Variants in YKT6 observed in about 807,000 individuals in gnomAD.
YKT6 encodes YKT6 vesicular SNARE protein.
YKT6 carries 12 observed loss-of-function variants against 29.3 expected under a neutral mutation model. The observed-to-expected ratio is 0.41, with a 90% CI of 0.26 to 0.66. The LOEUF is 0.66. YKT6 is among the 30% of genes least tolerant of loss of function. YKT6 has a pLI of 0.32. For missense variants in YKT6, 188 were observed against 243.8 expected, an observed-to-expected ratio of 0.77 and a Z score of 1.52; for synonymous variants, 86 against 94.3, an observed-to-expected ratio of 0.91 and a Z score of 0.51.
At chr7:44,208,102 C>A in intron 4 of YKT6, 31 bp from the exon 5 acceptor site, 1 of 1,611,282 alleles carries the variant, frequency 6.2e-7, no homozygotes, top group South Asian at 1.1e-5. Context: ...CCACTCCAGT[C>A]CTGACTTTAT....
chr7:44,203,004 A>T (rs2096337417), intron 1 of YKT6, among the ~76,000 whole-genome samples: 1 of 152,164 alleles, frequency 6.6e-6, no homozygotes, highest in Non-Finnish European at 1.5e-5. Flanking sequence ...TGGGATGCCC[A>T]CACTAGTTTC....
Position 44,212,805 on chromosome 7 carries a change from C to T in YKT6, c.*523C>T, listed in dbSNP as rs932957397. The T allele has an allele frequency of 6.6e-6, 1 of 152,574 alleles. No individual in the cohort carries two copies. The highest frequency in any genetic ancestry group is 1.5e-5 in the Non-Finnish European group (1 of 68,296). 9.5% of individuals were successfully genotyped at this position (152,574 alleles called of 1,614,324 possible). On this transcript the variant is annotated 3_prime_UTR_variant, in exon 7 of 7. Transcript: ENST00000223369. Reference sequence around the variant, plus strand: ...CACCACAGAGGCCACAGGCAGGCCCCCACTTCAGGCCCAAGGCCTGGGGCG... The same window carrying T: ...CACCACAGAGGCCACAGGCAGGCCCTCACTTCAGGCCCAAGGCCTGGGGCG...
At chr7:44,207,610 G>A in intron 4 of YKT6, 118 bp downstream of exon 4, 1 of 833,772 alleles carries the variant, frequency 1.2e-6, no homozygotes, top group Non-Finnish European at 1.9e-6. Flanking sequence ...TGATGCTGGT[G>A]TCCTCTCTCA....
chr7:44,209,869 T>A (rs1032428382), intron 5 of YKT6, among the ~76,000 whole-genome samples: 5 of 152,224 alleles, frequency 3.3e-5, no homozygotes, highest in Non-Finnish European at 7.3e-5. Flanking sequence ...TGATGACATT[T>A]AGGACATAGC....
intron 5 of YKT6, among the ~76,000 whole-genome samples, chr7:44,209,588 T>C (rs551865764): frequency 7.9e-5 from 12 of 152,200 alleles, no homozygotes; most frequent in Non-Finnish European, 1.8e-4. Flanking sequence ...ATCTAGATGA[T>C]TGGTGTGCAT....
In YKT6 at chr7:44,208,158, C is replaced by T. The variant is rs750242578; in HGVS notation, c.419C>T (p.Thr140Ile). The change falls in exon 5 of 7, where the codon ACT (threonine) becomes ATT (isoleucine). Residue 140 changes from threonine to isoleucine, a missense_variant. This residue lies in a region of YKT6 where 100 missense variants were observed against 136.3 expected (regional missense o/e 0.73). Transcript: ENST00000223369. The stretch of plus-strand genomic sequence containing the variant: ...AACCCACGAGAAGCTGATCCCATGA[C>T]TAAAGTGCAGGCCGAACTAGATGAG... ...YQNPREADPM[T>I]KVQAELDETK... 2.2e-5 allele frequency: 36 copies of T among 1,613,958 alleles called. No individual in the cohort carries two copies. Among genetic ancestry groups the T allele is most frequent in the Non-Finnish European group, 1.7e-5 (20 of 1,180,012 alleles).
Position 44,208,269 on chromosome 7 carries a change from C to T in YKT6, c.459+71C>T. 2.6e-6 allele frequency: 4 copies of T among 1,515,300 alleles called. No individual in the cohort carries two copies. In the South Asian group the frequency reaches 4.6e-5, roughly 17 times the overall value. The allele number at this position is 1,515,300 out of a possible 1,614,324, so 93.9% of individuals were successfully genotyped here. On this transcript the variant is annotated intron_variant, in intron 5 of 6. Transcript: ENST00000223369. ...GCGATTTCCACTGGCCAGGCATGCA[C>T]AGATCCATCCTCGTTTTAATATAAT...
chr7:44,212,709 TG>T lies in YKT6; in HGVS notation c.*431del, dbSNP rs3840673. On this transcript the variant is annotated 3_prime_UTR_variant, in exon 7 of 7. Coordinates refer to ENST00000223369, the MANE Select transcript of YKT6 (RefSeq NM_006555.4). The stretch of plus-strand genomic sequence containing the variant: ...GGTGGGGAGTCCCTGATGCTAGGGC[TG>T]GGGTGGGTGGAGTTTGAAGACTCTT... The T allele has an allele frequency of 0.057, 8,239 of 145,128 alleles. 286 individuals carry two copies. The highest frequency in any genetic ancestry group is 0.09 in the East Asian group (439 of 4,890). 9.0% of individuals were successfully genotyped at this position (145,128 alleles called of 1,614,324 possible). A position where few individuals can be genotyped will look rare whatever the true frequency, so the allele number is the denominator to read the frequency against.
intron 6 of YKT6, chr7:44,211,726 T>C: frequency 1.7e-6 from 1 of 591,798 alleles, no homozygotes; most frequent in Non-Finnish European, 2.1e-6. Flanking sequence ...TGGAGGGAGA[T>C]GGCTAGGTGG....
chr7:44,203,465 A>T (rs1375708546), intron 1 of YKT6, among the ~76,000 whole-genome samples: 3 of 152,202 alleles, frequency 2.0e-5, no homozygotes, highest in Non-Finnish European at 4.4e-5. Flanking sequence ...TCCAAAGTTG[A>T]AAAAGTAGTT....
intron 6 of YKT6, 81 bp downstream of exon 6, chr7:44,211,205 A>C: frequency 3.3e-6 from 4 of 1,220,714 alleles, no homozygotes; most frequent in Non-Finnish European, 4.7e-6. Flanking sequence ...ACTCTCCACT[A>C]TGAACGGGTC....
intron 1 of YKT6, 42 bp from the exon 2 acceptor site, chr7:44,204,526 G>A (rs746683189): frequency 6.3e-6 from 10 of 1,598,984 alleles, no homozygotes; most frequent in African/African-American, 1.3e-5. Flanking sequence ...TTGGGGACAA[G>A]GTGATAAGAA....
In YKT6 at chr7:44,207,697, T is replaced by C. The variant is rs535315690; in HGVS notation, c.393+205T>C. On this transcript the variant is annotated intron_variant, in intron 4 of 6. Coordinates refer to ENST00000223369, the MANE Select transcript of YKT6 (RefSeq NM_006555.4). ...GCTCTAGGCAGGCTTTGGGTTTCTGTTACATGTTAAACAGGCTGTGGGTTT... is the reference window on the plus strand; with the variant it reads ...GCTCTAGGCAGGCTTTGGGTTTCTGCTACATGTTAAACAGGCTGTGGGTTT... 7.8e-4 allele frequency among the ~76,000 whole-genome samples: 118 copies of C among 152,238 alleles called. 1 individual carries two copies. The highest frequency in any genetic ancestry group is 2.6e-3 in the African/African-American group (108 of 41,550).
intron 1 of YKT6, 91 bp downstream of exon 1, chr7:44,201,330 G>T: frequency 3.9e-6 from 2 of 514,944 alleles, no homozygotes; most frequent in Non-Finnish European, 6.7e-6. Context: ...TCGGCGGAGG[G>T]ATGAGGGGAG....
chr7:44,201,267 G>A, intron 1 of YKT6, 28 bp downstream of exon 1: 1 of 1,599,480 alleles, frequency 6.3e-7, no homozygotes, highest in Non-Finnish European at 8.5e-7. Flanking sequence ...GTGGGCCGTG[G>A]CGGTCGGGCG....
In YKT6 at chr7:44,214,272, G is replaced by A. The variant is rs1477506578; in HGVS notation, c.*1990G>A. On this transcript the variant is annotated 3_prime_UTR_variant, in exon 7 of 7. Transcript: ENST00000223369. ...GTTCTATTTGAGAGGCGCCTGTCTGGATAAAGTTGTCTTGAAATTTCACAG... is the reference window on the plus strand; with the variant it reads ...GTTCTATTTGAGAGGCGCCTGTCTGAATAAAGTTGTCTTGAAATTTCACAG... 6.6e-6 allele frequency: 1 copy of A among 152,188 alleles called. No homozygotes were observed. The highest frequency in any genetic ancestry group is 1.5e-5 in the Non-Finnish European group (1 of 68,062). The allele number at this position is 152,188 out of a possible 1,614,324, so 9.4% of individuals were successfully genotyped here. A position where few individuals can be genotyped will look rare whatever the true frequency, so the allele number is the denominator to read the frequency against.
At position 44,213,255 on chromosome 7, in the gene YKT6, C is replaced by T. The variant is rs779820573; in HGVS notation, c.*973C>T. 11 of 152,384 alleles carry T rather than the reference C, an allele frequency of 7.2e-5. No homozygotes were observed. The highest frequency in any genetic ancestry group is 3.4e-3 in the Middle Eastern group (1 of 294). 9.4% of individuals were successfully genotyped at this position (152,384 alleles called of 1,614,324 possible). The stretch of plus-strand genomic sequence containing the variant: ...CTGTGGCTCTAAGACTGCCTTGAAC[C>T]GCCTGAGGCCTATGCATCTGAACAA... On this transcript the variant is annotated 3_prime_UTR_variant, in exon 7 of 7. Transcript: ENST00000223369.
At position 44,201,027 on chromosome 7, in the gene YKT6, G is replaced by A. The variant is rs958104042; in HGVS notation, c.-109G>A. On this transcript the variant is annotated 5_prime_UTR_variant, in exon 1 of 7. Coordinates refer to ENST00000223369, the MANE Select transcript of YKT6 (RefSeq NM_006555.4). ...CCGGCGGTGGCCCCGTCAGCAGCCG[G>A]CTGCTGAGAGGCCGGTAGGCGGCGG... The A allele has an allele frequency of 1.4e-4, 122 of 882,542 alleles. No individual in the cohort carries two copies. The highest frequency in any genetic ancestry group is 7.1e-4 in the Middle Eastern group (2 of 2,820). 54.7% of individuals were successfully genotyped at this position (882,542 alleles called of 1,614,324 possible).
rs376107091 is a variant in YKT6, at chr7:44,206,399, G to A, written c.202G>A (p.Val68Ile). 57 of 1,613,932 alleles carry A rather than the reference G, an allele frequency of 3.5e-5. No homozygotes were observed. The highest frequency in any genetic ancestry group is 6.6e-5 in the South Asian group (6 of 91,068). Reference sequence around the variant, plus strand: ...TGTCTCCTTAGACTATCTGTGCCACGTCTACGTCCGGAATGATAGTCTTGC... The same window carrying A: ...TGTCTCCTTAGACTATCTGTGCCACATCTACGTCCGGAATGATAGTCTTGC... The part of the protein sequence containing the change: ...SVKEQDYLCH[V>I]YVRNDSLAGV... The change falls in exon 3 of 7, where the codon GTC (valine) becomes ATC (isoleucine). Residue 68 changes from valine to isoleucine, a missense_variant. Val to Ile is a conservative substitution (Grantham distance 29). Transcript: ENST00000223369.
Sources: allele counts gnomAD v4.1 joint callset (sites outside exome capture counted in the v4.1 genomes callset), GRCh38; gene constraint gnomAD v4.1.1; regional missense constraint gnomAD v4.1.1; transcripts MANE v1.5; gene names NCBI Gene and HGNC (gene_info 2026-07-23, HGNC 2026-07-21).